The following ATP6V1H variants were observed in gnomAD, a reference collection of about 807,000 sequenced individuals.
ATP6V1H encodes ATPase H+ transporting V1 subunit H.
In ATP6V1H, 39 loss-of-function variants were observed where a neutral mutation model predicts 71.7. The ratio of observed to expected loss-of-function variants is 0.54; its 90% CI spans 0.42 to 0.71. The LOEUF (loss-of-function observed/expected upper bound fraction) is 0.71, where lower values mean the gene tolerates loss of function less well. Ranked by LOEUF, ATP6V1H falls within the 30% of genes least tolerant of loss-of-function variation. ATP6V1H has a pLI of 0.00. For synonymous variants in ATP6V1H, 192 were observed against 199.3 expected, an observed-to-expected ratio of 0.96 and a Z score of 0.31; for missense variants, 509 against 594.9, an observed-to-expected ratio of 0.86 and a Z score of 1.50.
intron 4 of ATP6V1H, among the ~76,000 whole-genome samples, chr8:53,823,238 C>A (rs1245370220): frequency 6.6e-6 from 1 of 151,964 alleles, no homozygotes; most frequent in Admixed American, 6.6e-5. Flanking sequence ...TGATCATATA[C>A]TATAAAAAAA....
chr8:53,747,401 G>A lies in ATP6V1H; in HGVS notation c.1278-3711C>T, dbSNP rs550228888. On this transcript the variant is annotated intron_variant, in intron 12 of 13. Transcript: ENST00000359530. Reference sequence around the variant, plus strand: ...TTCCTTAATTAGGAAGGTCATTACCGTTTTTAAAAATAAAAAGATAATTTT... The same window carrying A: ...TTCCTTAATTAGGAAGGTCATTACCATTTTTAAAAATAAAAAGATAATTTT... 8.6e-5 allele frequency among the ~76,000 whole-genome samples: 13 copies of A among 152,006 alleles called. 1 individual carries two copies. In the South Asian group the frequency reaches 1.7e-3, roughly 19 times the overall value.
intron 11 of ATP6V1H, among the ~76,000 whole-genome samples, chr8:53,764,728 G>A (rs913411281): frequency 5.9e-5 from 9 of 152,136 alleles, no homozygotes; most frequent in East Asian, 3.9e-4. Context: ...CAGCAAAGTC[G>A]CAGGATACAA....
At chr8:53,842,504 C>T (rs1811375922) in intron 1 of ATP6V1H, 1 of 152,190 alleles carries the variant, frequency 6.6e-6, no homozygotes. Context: ...AAAATCCTAC[C>T]CAAAATTATA....
chr8:53,720,236 A>G (rs970576622), intron 13 of ATP6V1H, among the ~76,000 whole-genome samples: 9 of 152,198 alleles, frequency 5.9e-5, no homozygotes, highest in Non-Finnish European at 1.2e-4. Flanking sequence ...CTTCATCCAC[A>G]CCTGAAATCT....
chr8:53,734,389 G>C (rs1206051946), intron 13 of ATP6V1H, among the ~76,000 whole-genome samples: 1 of 152,136 alleles, frequency 6.6e-6, no homozygotes, highest in East Asian at 1.9e-4. Context: ...AAAATATGCA[G>C]GATATTGAGT....
chr8:53,802,078 G>A (rs535849322), intron 7 of ATP6V1H, among the ~76,000 whole-genome samples, 182 bp from the exon 8 acceptor site: 1 of 151,902 alleles, frequency 6.6e-6, no homozygotes, highest in East Asian at 1.9e-4. Context: ...TCTTAGAAAT[G>A]AACAAGATTT....
chr8:53,767,561 T>C (rs1808513844), intron 11 of ATP6V1H, among the ~76,000 whole-genome samples: 1 of 152,214 alleles, frequency 6.6e-6, no homozygotes, highest in South Asian at 2.1e-4. Flanking sequence ...AGAGTCATAC[T>C]TCCTGTTTTC....
intron 2 of ATP6V1H, among the ~76,000 whole-genome samples, chr8:53,840,742 T>C (rs546897083): frequency 2.6e-5 from 4 of 152,318 alleles, no homozygotes; most frequent in African/African-American, 4.8e-5. Context: ...TTAATACTAA[T>C]ATAAAATTAA....
At chr8:53,820,666 CAAA>C (rs111738763) in intron 4 of ATP6V1H, among the ~76,000 whole-genome samples, 4 of 73,668 alleles carry the variant, frequency 5.4e-5, no homozygotes, top group Non-Finnish European at 5.6e-5. Flanking sequence ...GATTTTATCT[CAAA>C]AAAAAAAAAA....
At chr8:53,738,385 C>T (rs1403793047) in intron 13 of ATP6V1H, among the ~76,000 whole-genome samples, 1 of 152,164 alleles carries the variant, frequency 6.6e-6, no homozygotes, top group African/African-American at 2.4e-5. Flanking sequence ...GTAACTGCCC[C>T]ACCCACAGAA....
intron 7 of ATP6V1H, among the ~76,000 whole-genome samples, chr8:53,802,333 C>T (rs938555789): frequency 1.3e-5 from 2 of 152,050 alleles, no homozygotes; most frequent in African/African-American, 4.8e-5. Flanking sequence ...TGTAAATGAC[C>T]GTGGACAAGT....
intron 13 of ATP6V1H, 32 bp downstream of exon 13, chr8:53,743,545 T>A: frequency 2.0e-6 from 3 of 1,490,272 alleles, no homozygotes; most frequent in Non-Finnish European, 2.8e-6. Flanking sequence ...TGCAGACTAA[T>A]GTACAAGTGT....
intron 12 of ATP6V1H, among the ~76,000 whole-genome samples, chr8:53,754,518 C>T (rs995938294): frequency 2.0e-5 from 3 of 152,178 alleles, no homozygotes; most frequent in African/African-American, 4.8e-5. Context: ...ACAAATGGAA[C>T]GAATCATCAG....
At chr8:53,798,444 C>T (rs1202226202) in intron 8 of ATP6V1H, among the ~76,000 whole-genome samples, 1 of 151,930 alleles carries the variant, frequency 6.6e-6, no homozygotes, top group Non-Finnish European at 1.5e-5. Flanking sequence ...TTATTTGAAC[C>T]CAGGAGGCGG....
intron 9 of ATP6V1H, among the ~76,000 whole-genome samples, chr8:53,784,607 T>C (rs1022176372): frequency 2.6e-4 from 40 of 152,238 alleles, no homozygotes; most frequent in African/African-American, 9.6e-4. Flanking sequence ...TTCTGCTCGT[T>C]AGTTGATGCA....
chr8:53,737,285 T>G (rs1253741074), intron 13 of ATP6V1H, among the ~76,000 whole-genome samples: 2 of 152,360 alleles, frequency 1.3e-5, no homozygotes, highest in East Asian at 3.9e-4. Context: ...TTTCTCTACT[T>G]TAGCACAAAT....
chr8:53,790,315 A>G (rs1281367883), intron 9 of ATP6V1H, among the ~76,000 whole-genome samples: 1 of 152,172 alleles, frequency 6.6e-6, no homozygotes, highest in Non-Finnish European at 1.5e-5. Flanking sequence ...CTGTCTAGGT[A>G]ACATCCAAAG....
intron 11 of ATP6V1H, among the ~76,000 whole-genome samples, chr8:53,761,459 A>G (rs1447978311): frequency 6.6e-6 from 1 of 152,224 alleles, no homozygotes; most frequent in Non-Finnish European, 1.5e-5. Flanking sequence ...CTAACACCAG[A>G]AAATAGAAAG....
intron 13 of ATP6V1H, among the ~76,000 whole-genome samples, chr8:53,717,814 G>C (rs935572147): frequency 2.6e-5 from 4 of 152,162 alleles, no homozygotes; most frequent in Non-Finnish European, 4.4e-5. Flanking sequence ...AATCAAGCCT[G>C]AAGTTAGATA....
Sources: gnomAD v4.1 joint callset for allele counts (sites outside exome capture counted in the v4.1 genomes callset) on GRCh38, gnomAD v4.1.1 for gene constraint, MANE v1.5 for transcripts, NCBI Gene and HGNC (gene_info 2026-07-23, HGNC 2026-07-21) for gene names.